DCT: variants seen among roughly 807,000 people sequenced by gnomAD.
The protein encoded by DCT is dopachrome tautomerase.
Under a neutral mutation model 53.0 loss-of-function variants are expected in DCT, and 47 were observed. The ratio of observed to expected loss-of-function variants is 0.89; its 90% CI spans 0.70 to 1.13. DCT has a LOEUF of 1.13. DCT is among the 50% of genes most tolerant of loss of function. The pLI is 0.00. For missense variants in DCT, 669 were observed against 637.4 expected, an observed-to-expected ratio of 1.05 and a Z score of -0.53; for synonymous variants, 244 against 237.0, an observed-to-expected ratio of 1.03 and a Z score of -0.27.
At chr13:94,547,990 T>A in the DCT span, among the ~76,000 whole-genome samples, 1,065 of 117,218 alleles carry the variant, frequency 9.1e-3, 8 homozygotes, top group Non-Finnish European at 0.012. Flanking sequence ...AAAAAATATA[T>A]ATATATATAT....
At chr13:94,444,655 G>T (rs1037196252) in intron 6 of DCT, among the ~76,000 whole-genome samples, 1 of 152,154 alleles carries the variant, frequency 6.6e-6, no homozygotes, top group Admixed American at 6.5e-5. Context: ...TAAGTTCAAG[G>T]AGCTCAGGGG....
chr13:94,521,948 G>A, the DCT span, among the ~76,000 whole-genome samples: 26 of 152,238 alleles, frequency 1.7e-4, no homozygotes, highest in Middle Eastern at 3.4e-3. Flanking sequence ...TGTGTCTATC[G>A]ATTTACCTAT....
At chr13:94,447,093 G>T (rs2139287624) in intron 6 of DCT, among the ~76,000 whole-genome samples, 1 of 152,280 alleles carries the variant, frequency 6.6e-6, no homozygotes, top group East Asian at 1.9e-4. Context: ...TAAGTGACTT[G>T]CCTAAGGTCA....
At chr13:94,540,823 G>T in the DCT span, among the ~76,000 whole-genome samples, 5 of 152,186 alleles carry the variant, frequency 3.3e-5, no homozygotes, top group Non-Finnish European at 7.3e-5. Flanking sequence ...ACGGAAATCA[G>T]TATATCCAAT....
intron 5 of DCT, 26 bp from the exon 6 acceptor site, chr13:94,460,252 CA>C: frequency 6.2e-7 from 1 of 1,607,448 alleles, no homozygotes. Flanking sequence ...ATATCAGTGA[CA>C]ACAGACAAAG....
At chr13:94,460,910 CT>C (rs1158307961) in intron 5 of DCT, among the ~76,000 whole-genome samples, 2 of 152,196 alleles carry the variant, frequency 1.3e-5, no homozygotes, top group African/African-American at 2.4e-5. Context: ...ACTGGATTCT[CT>C]CTCTCTCTTA....
chr13:94,531,887 C>T, the DCT span, among the ~76,000 whole-genome samples: 4 of 152,146 alleles, frequency 2.6e-5, no homozygotes, highest in South Asian at 6.2e-4. Flanking sequence ...TTGCAATCTA[C>T]CTATCTAACA....
chr13:94,444,945 T>C (rs9516415), intron 6 of DCT, among the ~76,000 whole-genome samples: 45,479 of 152,018 alleles, frequency 0.3, 7,228 homozygotes, highest in Middle Eastern at 0.42. Context: ...CTGGACAGAG[T>C]CAATGTTTAC....
chr13:94,508,552 G>T, the DCT span, among the ~76,000 whole-genome samples: 2 of 152,186 alleles, frequency 1.3e-5, no homozygotes, highest in Non-Finnish European at 2.9e-5. Context: ...TCTCAACCTT[G>T]TCATAAAAAT....
At chr13:94,452,649 C>G (rs369353671) in intron 6 of DCT, 3 of 759,010 alleles carry the variant, frequency 4.0e-6, no homozygotes, top group East Asian at 2.5e-5. Flanking sequence ...GTAAAGCAAA[C>G]GATTAGAAAT....
chr13:94,479,125 A>G lies in DCT; in HGVS notation c.131T>C (p.Leu44Pro). 1.2e-6 allele frequency: 2 copies of G among 1,614,172 alleles called. No individual in the cohort carries two copies. The highest frequency in any genetic ancestry group is 1.7e-6 in the Non-Finnish European group (2 of 1,180,022). ...SLVNKECCPR[L>P]GAESANVCGS... is the part of the protein sequence containing the mutation. ...ACAGACATTGGCCGACTCTGCACCC[A>G]GGCGTGGGCAGCACTCCTTGTTCAC... is the stretch of plus-strand genomic sequence containing the variant. The change falls in exon 1 of 8, where the codon CTG (leucine) becomes CCG (proline). Residue 44 changes from leucine (L) to proline (P), a missense_variant. By Grantham distance (98) the Leu-to-Pro change is moderately conservative (BLOSUM62 -3). Coordinates refer to ENST00000377028, the MANE Select transcript of DCT (RefSeq NM_001922.5).
At chr13:94,473,774 G>C (rs566115915) in intron 1 of DCT, among the ~76,000 whole-genome samples, 6 of 152,116 alleles carry the variant, frequency 3.9e-5, no homozygotes, top group Non-Finnish European at 7.4e-5. Flanking sequence ...AATGGGAAGT[G>C]GGGGGGTAAA....
At chr13:94,454,642 G>A (rs552633979) in intron 6 of DCT, among the ~76,000 whole-genome samples, 1 of 152,034 alleles carries the variant, frequency 6.6e-6, no homozygotes, top group South Asian at 2.1e-4. Flanking sequence ...TAGCTCTATT[G>A]CTTGGAGAGA....
At chr13:94,483,780 A>C (rs1206443126), upstream of DCT, among the ~76,000 whole-genome samples, 1 of 152,148 alleles carries the variant, frequency 6.6e-6, no homozygotes, top group African/African-American at 2.4e-5. Flanking sequence ...GGGAGTTTAC[A>C]GGTGTGAGCC....
At chr13:94,495,012 C>T in the DCT span, among the ~76,000 whole-genome samples, 1 of 152,190 alleles carries the variant, frequency 6.6e-6, no homozygotes, top group Non-Finnish European at 1.5e-5. Flanking sequence ...CAACAAACAT[C>T]CTCGTCAATT....
chr13:94,537,132 G>C, the DCT span, among the ~76,000 whole-genome samples: 1 of 152,202 alleles, frequency 6.6e-6, no homozygotes, highest in South Asian at 2.1e-4. Context: ...AAGAATAATT[G>C]AATTGGTAAT....
chr13:94,491,650 G>T, the DCT span, among the ~76,000 whole-genome samples: 2 of 152,192 alleles, frequency 1.3e-5, no homozygotes, highest in African/African-American at 4.8e-5. Context: ...GGATTAGAAG[G>T]AGAGTTGGTA....
chr13:94,472,517 CATACATATAT>C (rs1341180072), intron 1 of DCT, among the ~76,000 whole-genome samples: 3,443 of 47,386 alleles, frequency 0.073, 287 homozygotes, highest in Non-Finnish European at 0.088. Flanking sequence ...TATATACATA[CATACATATAT>C]ATATATATAT....
chr13:94,522,044 C>A, the DCT span, among the ~76,000 whole-genome samples: 1 of 152,218 alleles, frequency 6.6e-6, no homozygotes, highest in African/African-American at 2.4e-5. Context: ...CTTCAAGGTT[C>A]ACCCATGTTG....
Sources: gnomAD v4.1 joint callset for allele counts (sites outside exome capture counted in the v4.1 genomes callset) on GRCh38, gnomAD v4.1.1 for gene constraint, MANE v1.5 for transcripts, NCBI Gene and HGNC (gene_info 2026-07-23, HGNC 2026-07-21) for gene names.